STAP1: variants seen among roughly 807,000 people sequenced by gnomAD.
STAP1 encodes signal-transducing adaptor protein 1.
A neutral mutation model predicts 37.8 loss-of-function variants in STAP1; 30 were observed. The ratio of observed to expected loss-of-function variants is 0.79; its 90% confidence interval spans 0.59 to 1.08. The LOEUF (loss-of-function observed/expected upper bound fraction) is 1.08. Ranked by LOEUF, STAP1 falls within the 50% of genes least tolerant of loss-of-function variation. The pLI is 0.00. For missense variants in STAP1, 357 were observed against 349.4 expected, an observed-to-expected ratio of 1.02 and a Z score of -0.17; for synonymous variants, 130 against 116.0, an observed-to-expected ratio of 1.12 and a Z score of -0.78.
intron 8 of STAP1, among the ~76,000 whole-genome samples, chr4:67,605,393 A>AC (rs1728430210): frequency 6.6e-6 from 1 of 151,058 alleles, no homozygotes; most frequent in South Asian, 2.1e-4. Context: ...CAATACAAAA[A>AC]AAAAAAAAAA....
intron 6 of STAP1, among the ~76,000 whole-genome samples, chr4:67,589,917 C>T (rs1728084884): frequency 2.0e-5 from 3 of 152,078 alleles, no homozygotes; most frequent in Non-Finnish European, 2.9e-5. Context: ...GATTCGCCCA[C>T]CTAACACCTG....
At chr4:67,599,849 C>T (rs912151422) in intron 8 of STAP1, among the ~76,000 whole-genome samples, 39 of 151,956 alleles carry the variant, frequency 2.6e-4, no homozygotes, top group African/African-American at 9.4e-4. Context: ...ACCATGTTGG[C>T]CAGGCTGGTC....
At chr4:67,603,042 A>T (rs775831835) in intron 8 of STAP1, among the ~76,000 whole-genome samples, 27 of 152,012 alleles carry the variant, frequency 1.8e-4, no homozygotes, top group Non-Finnish European at 3.4e-4. Flanking sequence ...GGAGTTAGGA[A>T]CCTCAGCAAT....
At chr4:67,582,249 T>A (rs1398931069) in intron 5 of STAP1, among the ~76,000 whole-genome samples, 2 of 152,148 alleles carry the variant, frequency 1.3e-5, no homozygotes, top group Non-Finnish European at 2.9e-5. Context: ...ATATAAAAGA[T>A]TAAAATCATT....
rs1560459037 is a variant in STAP1, at chr4:67,575,367, C to T, written c.193-18C>T. ...TACCCATGAAATAATGTAATGTGAT[C>T]TTCCTTTATCTTTGCAGTATGTTGA... On this transcript the variant is annotated intron_variant, in intron 2 of 8. Transcript: ENST00000265404. 3 of 1,505,066 alleles carry T rather than the reference C, an allele frequency of 2.0e-6. No homozygotes were observed. The highest frequency in any genetic ancestry group is 1.7e-4 in the Middle Eastern group (1 of 5,840). The allele number at this position is 1,505,066 out of a possible 1,614,324, so 93.2% of individuals were successfully genotyped here.
At chr4:67,562,224 C>A (rs1560454201) in intron 1 of STAP1, among the ~76,000 whole-genome samples, 1 of 150,882 alleles carries the variant, frequency 6.6e-6, no homozygotes, top group South Asian at 2.1e-4. Context: ...CGGGCCCGGT[C>A]CCAGCTATTC....
At chr4:67,605,388 C>CA (rs10643250) in intron 8 of STAP1, among the ~76,000 whole-genome samples, 51,312 of 124,638 alleles carry the variant, frequency 0.41, 11,096 homozygotes, top group Middle Eastern at 0.5. Flanking sequence ...ATAGACAATA[C>CA]AAAAAAAAAA....
chr4:67,599,180 A>G (rs1222158632), intron 8 of STAP1, among the ~76,000 whole-genome samples: 1 of 152,122 alleles, frequency 6.6e-6, no homozygotes, highest in Admixed American at 6.5e-5. Context: ...GTTTTTAAAA[A>G]TGTGTCTTTG....
At chr4:67,592,080 T>A (rs1259856451) in intron 7 of STAP1, among the ~76,000 whole-genome samples, 1 of 151,690 alleles carries the variant, frequency 6.6e-6, no homozygotes, top group Non-Finnish European at 1.5e-5. Context: ...TTTTTCACCC[T>A]CCCCAACCAT....
intron 8 of STAP1, among the ~76,000 whole-genome samples, chr4:67,595,483 ATGAC>A (rs1728205740): frequency 6.6e-6 from 1 of 151,922 alleles, no homozygotes; most frequent in African/African-American, 2.4e-5. Context: ...GCAGTGCACT[ATGAC>A]TGTGTCAATG....
chr4:67,583,791 T>C (rs1578030277), intron 6 of STAP1, 89 bp downstream of exon 6: 5 of 1,467,676 alleles, frequency 3.4e-6, no homozygotes, highest in Admixed American at 2.3e-5. Context: ...ATGTGTTTCG[T>C]TGGGGCTGAA....
Position 67,558,831 on chromosome 4 carries a change from A to G in STAP1, c.22A>G (p.Lys8Glu), listed in dbSNP as rs1305997363. The G allele has an allele frequency of 6.2e-7, 1 of 1,613,542 alleles. No homozygotes were observed. The highest frequency in any genetic ancestry group is 8.5e-7 in the Non-Finnish European group (1 of 1,179,626). Residue 8 changes from lysine (K) to glutamate (E), a missense_variant, in exon 1 of 9, where the codon AAA (lysine) becomes GAA (glutamate). By Grantham distance (56) the Lys-to-Glu change is moderately conservative. Transcript: ENST00000265404. MMAKKPP[K>E]PAPRRIFQER... ...GGGTATGATGGCTAAGAAGCCCCCA[A>G]AACCAGCCCCTCGCAGGATCTTCCA...
chr4:67,583,497 T>G, intron 5 of STAP1, 77 bp from the exon 6 acceptor site: 1 of 1,437,666 alleles, frequency 7.0e-7, no homozygotes, highest in Non-Finnish European at 9.3e-7. Context: ...CTCAAAGTTA[T>G]TTTGGTAGTA....
At chr4:67,582,814 C>A (rs1379879795) in intron 5 of STAP1, among the ~76,000 whole-genome samples, 1 of 152,120 alleles carries the variant, frequency 6.6e-6, no homozygotes, top group Non-Finnish European at 1.5e-5. Flanking sequence ...TTTCAGTATT[C>A]AATGCATTGC....
intron 6 of STAP1, among the ~76,000 whole-genome samples, chr4:67,586,091 C>A (rs4466096): frequency 0.19 from 29,489 of 151,878 alleles, 3,214 homozygotes; most frequent in Middle Eastern, 0.28. Context: ...GTGGTTGATA[C>A]ATTTACACGT....
chr4:67,566,267 T>A (rs1181772585), intron 1 of STAP1, among the ~76,000 whole-genome samples: 1 of 152,076 alleles, frequency 6.6e-6, no homozygotes, highest in Non-Finnish European at 1.5e-5. Context: ...CTTTTTTACA[T>A]TTTTTATATA....
intron 2 of STAP1, among the ~76,000 whole-genome samples, chr4:67,573,665 A>G (rs1465459959): frequency 6.6e-6 from 1 of 152,212 alleles, no homozygotes; most frequent in Non-Finnish European, 1.5e-5. Context: ...GTTTTAAAAT[A>G]TATATACATT....
chr4:67,585,384 C>A (rs1232441841), intron 6 of STAP1, among the ~76,000 whole-genome samples: 1 of 152,158 alleles, frequency 6.6e-6, no homozygotes, highest in African/African-American at 2.4e-5. Context: ...TAAAACATGG[C>A]ATTATGGCTA....
intron 2 of STAP1, among the ~76,000 whole-genome samples, chr4:67,574,575 A>G (rs1727677476): frequency 6.6e-6 from 1 of 152,196 alleles, no homozygotes; most frequent in Admixed American, 6.5e-5. Flanking sequence ...CAGACACAAC[A>G]AACCTATCTC....
Sources: gnomAD v4.1 joint callset for allele counts (sites outside exome capture counted in the v4.1 genomes callset) on GRCh38, gnomAD v4.1.1 for gene constraint, MANE v1.5 for transcripts, NCBI Gene and HGNC (gene_info 2026-07-23, HGNC 2026-07-21) for gene names.